The following HDLBP variants were observed in gnomAD, a reference collection of about 807,000 sequenced individuals.
HDLBP encodes the protein high density lipoprotein binding protein.
HDLBP carries 30 observed loss-of-function variants against 137.3 expected under a neutral mutation model. The observed-to-expected ratio is 0.22, with a 90% CI of 0.16 to 0.30. The LOEUF (loss-of-function observed/expected upper bound fraction) is 0.30, where lower values mean the gene tolerates loss of function less well. Ranked by LOEUF, HDLBP falls within the 10% of genes least tolerant of loss-of-function variation. HDLBP has a pLI of 1.00. For synonymous variants in HDLBP, 606 were observed against 596.0 expected (o/e 1.02, Z -0.24); for missense variants, 1,119 against 1,667.3 (o/e 0.67, Z 5.73).
intron 12 of HDLBP, 68 bp from the exon 13 acceptor site, chr2:241,248,416 G>C: frequency 8.0e-7 from 1 of 1,248,278 alleles, no homozygotes. Flanking sequence ...CTGACACAAG[G>C]GGACACCAGG....
In HDLBP at chr2:241,230,297, G is replaced by C; in HGVS notation, c.3475-28C>G. ...GGAAGGGGTGTACAACGTCAGATGA[G>C]GGGACTCCAAGCGAGGAAAAGGGTT... On this transcript the variant is annotated intron_variant, in intron 25 of 27. Coordinates refer to ENST00000310931, the MANE Select transcript of HDLBP (RefSeq NM_005336.6). This position sits in a 1 kb window ranked among gnomAD's most constrained non-coding sequence, Gnocchi z 5.0. 2.9e-6 allele frequency: 4 copies of C among 1,367,680 alleles called. No individual in the cohort carries two copies. The highest frequency in any genetic ancestry group is 4.1e-6 in the Non-Finnish European group (4 of 983,532). The allele number at this position is 1,367,680 out of a possible 1,614,324, so 84.7% of individuals were successfully genotyped here.
chr2:241,276,428 TAGG>T (rs1279998476), intron 1 of HDLBP, among the ~76,000 whole-genome samples: 2 of 151,916 alleles, frequency 1.3e-5, no homozygotes, highest in African/African-American at 4.8e-5. Flanking sequence ...GAAAAAAGAA[TAGG>T]AGGCAAGAAA....
Position 241,239,632 on chromosome 2 carries a change from C to T in HDLBP, c.2580G>A (p.Lys860=), listed in dbSNP as rs1333090096. 2.5e-6 allele frequency: 4 copies of T among 1,614,242 alleles called. No homozygotes were observed. The Admixed American group carries it at 5.0e-5, about 20-fold the overall frequency. ...KGAKDCVEAA[K]KRIQEIIEDL... is the part of the protein sequence containing the mutation. ...CCTCAATGATCTCCTGAATGCGTTTCTTGGCTGCCTCCACACAGTCCTTGG... is the reference window on the plus strand; with the variant it reads ...CCTCAATGATCTCCTGAATGCGTTTTTTGGCTGCCTCCACACAGTCCTTGG... The change falls in exon 19 of 28, where the codon AAG becomes AAA. Residue 860 remains lysine (K), a synonymous_variant. Transcript: ENST00000310931. This position sits in a 1 kb window ranked among gnomAD's most constrained non-coding sequence, Gnocchi z 4.6.
chr2:241,261,527 G>C (rs1384785594), intron 5 of HDLBP, among the ~76,000 whole-genome samples: 3 of 152,112 alleles, frequency 2.0e-5, no homozygotes, highest in East Asian at 1.9e-4. Context: ...GAGTGTCAGG[G>C]GTCAATGTCT....
At chr2:241,300,463 G>GCA (rs772720992) in intron 1 of HDLBP, among the ~76,000 whole-genome samples, 1 of 152,046 alleles carries the variant, frequency 6.6e-6, no homozygotes, top group Non-Finnish European at 1.5e-5. Context: ...ACACACACAT[G>GCA]CACACACACA....
chr2:241,247,160 C>G lies in HDLBP; in HGVS notation c.1732-18G>C. The G allele has an allele frequency of 6.7e-7, 1 of 1,490,250 alleles. No individual in the cohort carries two copies. Among genetic ancestry groups the G allele is most frequent in the Non-Finnish European group, 9.4e-7 (1 of 1,066,994 alleles). The allele number at this position is 1,490,250 out of a possible 1,614,324, so 92.3% of individuals were successfully genotyped here. On this transcript the variant is annotated intron_variant, in intron 14 of 27. Coordinates refer to ENST00000310931, the MANE Select transcript of HDLBP (RefSeq NM_005336.6). The stretch of plus-strand genomic sequence containing the variant: ...TTTTCCACCTTAAAGACAAAAAACA[C>G]AGCCCGATTCACCACCTGTGCTAGA...
intron 1 of HDLBP, among the ~76,000 whole-genome samples, chr2:241,290,642 T>C (rs2074984980): frequency 6.6e-6 from 1 of 151,482 alleles, no homozygotes; most frequent in Non-Finnish European, 1.5e-5. Flanking sequence ...GACTCTAAAC[T>C]CTAAAAATAA....
In HDLBP at chr2:241,230,963, G is replaced by A. The variant is rs1188772096; in HGVS notation, c.3289-19C>T. ...CCTGGGGCTAAAAAAGGAGAATGTA[G>A]TCAGAAAAGGGGATGCCTTACTGGG... On this transcript the variant is annotated intron_variant, in intron 24 of 27. Coordinates refer to ENST00000310931, the MANE Select transcript of HDLBP (RefSeq NM_005336.6). The surrounding 1 kb of genome is among the most constrained non-coding windows in gnomAD (Gnocchi z 5.0). 9.3e-6 allele frequency: 15 copies of A among 1,606,790 alleles called. No individual in the cohort carries two copies. In the East Asian group the frequency reaches 3.4e-4, roughly 36 times the overall value.
At chr2:241,300,735 G>A (rs1349086246) in intron 1 of HDLBP, among the ~76,000 whole-genome samples, 1 of 152,152 alleles carries the variant, frequency 6.6e-6, no homozygotes, top group Non-Finnish European at 1.5e-5. Context: ...CTCTCTCTGA[G>A]ACAGTAGGGC....
chr2:241,276,355 T>C (rs2149600588), intron 1 of HDLBP, among the ~76,000 whole-genome samples: 1 of 152,296 alleles, frequency 6.6e-6, no homozygotes, highest in East Asian at 1.9e-4. Context: ...TTCATTACGA[T>C]GTACATTATT....
At position 241,266,908 on chromosome 2, in the gene HDLBP, T is replaced by A. The variant is rs111595719; in HGVS notation, c.-37-2A>T. ...CCTACACACAATCCGGGAAAACCAC[T>A]AAAGCAAAGAAGAATAAATCAGAAG... On this transcript the variant is annotated splice_acceptor_variant, in intron 2 of 27. Transcript: ENST00000310931. LOFTEE classifies it low-confidence loss of function (5UTR_SPLICE). The A allele has an allele frequency of 6.2e-7, 1 of 1,600,912 alleles. No individual in the cohort carries two copies. The highest frequency in any genetic ancestry group is 8.6e-7 in the Non-Finnish European group (1 of 1,167,912).
chr2:241,236,991 G>T (rs990203467), intron 20 of HDLBP, among the ~76,000 whole-genome samples: 4 of 144,066 alleles, frequency 2.8e-5, no homozygotes, highest in African/African-American at 7.6e-5. Context: ...GGGGGGGGGG[G>T]GGGCGGCAAT....
intron 3 of HDLBP, 69 bp from the exon 4 acceptor site, chr2:241,264,674 T>A: frequency 6.9e-7 from 1 of 1,441,330 alleles, no homozygotes; most frequent in South Asian, 1.2e-5. Flanking sequence ...CTTTTAAGGG[T>A]TTTAGTGCTT....
chr2:241,247,477 T>A (rs1214483575), intron 14 of HDLBP: 1 of 336,300 alleles, frequency 3.0e-6, no homozygotes, highest in Non-Finnish European at 5.6e-6. Flanking sequence ...ACGGCAGTGA[T>A]GTGACAGCAG....
chr2:241,244,264 G>A (rs1407420087), intron 16 of HDLBP, among the ~76,000 whole-genome samples: 1 of 152,126 alleles, frequency 6.6e-6, no homozygotes, highest in Admixed American at 6.5e-5. Flanking sequence ...CTGACGGGGA[G>A]ACAGCAAGGG....
intron 5 of HDLBP, among the ~76,000 whole-genome samples, chr2:241,258,389 T>C (rs932244715): frequency 7.4e-6 from 1 of 135,522 alleles, no homozygotes. Context: ...CTGGCCATGG[T>C]GACGTGTGCC....
At chr2:241,297,843 A>G (rs1430567847) in intron 1 of HDLBP, among the ~76,000 whole-genome samples, 5 of 152,064 alleles carry the variant, frequency 3.3e-5, no homozygotes, top group African/African-American at 1.2e-4. Flanking sequence ...ACCTGAGGTC[A>G]GGAGTTCAAG....
intron 5 of HDLBP, 96 bp from the exon 6 acceptor site, chr2:241,256,902 T>A: frequency 9.8e-7 from 1 of 1,022,830 alleles, no homozygotes; most frequent in South Asian, 1.4e-5. Context: ...CCATCTTTGC[T>A]TATTCCTGCC....
chr2:241,286,946 C>CAA (rs34791807), intron 1 of HDLBP, among the ~76,000 whole-genome samples: 3,379 of 128,044 alleles, frequency 0.026, 71 homozygotes, highest in African/African-American at 0.057. Context: ...ACCCTGTTTC[C>CAA]AAAAAAAAAA....
Sources: allele counts gnomAD v4.1 joint callset (sites outside exome capture counted in the v4.1 genomes callset), GRCh38; gene constraint gnomAD v4.1.1; non-coding constraint Gnocchi (gnomAD v3.1); transcripts MANE v1.5; gene names NCBI Gene and HGNC (gene_info 2026-07-23, HGNC 2026-07-21).